TCTN3: variants seen among roughly 807,000 people sequenced by gnomAD.
TCTN3 encodes tectonic family member 3, also known as tectonic-3.
In TCTN3, 57 loss-of-function variants were observed where a neutral mutation model predicts 71.3. The ratio of observed to expected loss-of-function variants is 0.80; its 90% CI spans 0.65 to 1.00. TCTN3 has a LOEUF of 1.00. Among genes scored for constraint, TCTN3 ranks in the 50% least tolerant of loss-of-function variants. TCTN3 has a pLI of 0.00. For synonymous variants in TCTN3, 258 were observed against 267.8 expected (o/e 0.96, Z 0.36); for missense variants, 696 against 719.9 (o/e 0.97, Z 0.38).
intron 13 of TCTN3, among the ~76,000 whole-genome samples, chr10:95,673,872 AAAATTTTTC>A (rs1483284916): frequency 1.3e-5 from 2 of 152,190 alleles, no homozygotes; most frequent in Non-Finnish European, 2.9e-5. Context: ...CATACTTTTT[AAAATTTTTC>A]CCATTGAATT....
At chr10:95,677,787 C>G (rs2097938970) in intron 13 of TCTN3, among the ~76,000 whole-genome samples, 1 of 152,032 alleles carries the variant, frequency 6.6e-6, no homozygotes, top group South Asian at 2.1e-4. Context: ...GGGTAGAGTA[C>G]TCTTTCTAAA....
intron 13 of TCTN3, among the ~76,000 whole-genome samples, chr10:95,669,404 T>C (rs942355517): frequency 2.0e-5 from 3 of 152,176 alleles, no homozygotes; most frequent in Non-Finnish European, 4.4e-5. Flanking sequence ...CATGGATCCT[T>C]GACTCCTTCC....
rs1331522358 is a variant in TCTN3 at position 95,693,508 on chromosome 10, G to A, written c.257-32C>T. The A allele has an allele frequency of 1.9e-6, 3 of 1,551,980 alleles. No homozygotes were observed. The South Asian group carries it at 3.6e-5, about 18-fold the overall frequency. On this transcript the variant is annotated intron_variant, in intron 1 of 13. Coordinates refer to ENST00000371217, the MANE Select transcript of TCTN3 (RefSeq NM_015631.6). The stretch of plus-strand genomic sequence containing the variant: ...AAGTACGACACAGAGTGAGTGGGAT[G>A]AAGATCCCCAAACTCTCCCAGGTGC...
intron 3 of TCTN3, among the ~76,000 whole-genome samples, chr10:95,690,844 T>C (rs1029962432): frequency 6.6e-6 from 1 of 151,712 alleles, no homozygotes; most frequent in Admixed American, 6.6e-5. Flanking sequence ...GCTATGTGTG[T>C]ATATGTGAGG....
intron 3 of TCTN3, among the ~76,000 whole-genome samples, chr10:95,690,815 G>A (rs117417334): frequency 2.7e-3 from 415 of 152,332 alleles, no homozygotes; most frequent in South Asian, 0.014. Context: ...CTCCACAACT[G>A]TGTATACTGT....
chr10:95,675,449 A>C (rs7903235), intron 13 of TCTN3, among the ~76,000 whole-genome samples: 6,617 of 152,322 alleles, frequency 0.043, 461 homozygotes, highest in African/African-American at 0.14. Flanking sequence ...CTTTTAAAAA[A>C]AAGGTAATAA....
At chr10:95,675,852 C>T (rs1320618934) in intron 13 of TCTN3, among the ~76,000 whole-genome samples, 1 of 152,146 alleles carries the variant, frequency 6.6e-6, no homozygotes, top group East Asian at 1.9e-4. Context: ...AGTATGCTGC[C>T]TGTTTAATTA....
chr10:95,674,217 T>G (rs2097934418), intron 13 of TCTN3, among the ~76,000 whole-genome samples: 1 of 152,200 alleles, frequency 6.6e-6, no homozygotes, highest in Non-Finnish European at 1.5e-5. Context: ...CTCCTTTATC[T>G]CAGTAATGTT....
intron 13 of TCTN3, among the ~76,000 whole-genome samples, chr10:95,667,100 T>G (rs763295651): frequency 1.3e-5 from 2 of 152,148 alleles, no homozygotes; most frequent in Non-Finnish European, 2.9e-5. Context: ...AGGCAAACCT[T>G]AGGCCAATGT....
intron 13 of TCTN3, among the ~76,000 whole-genome samples, chr10:95,665,285 TTG>T (rs890669395): frequency 1.3e-5 from 2 of 151,758 alleles, no homozygotes; most frequent in African/African-American, 2.4e-5. Flanking sequence ...AATTTTTTTT[TTG>T]TGTGTGTGTG....
rs1448945733 is a variant in TCTN3 at position 95,679,614 on chromosome 10, C to T, written c.1590+858G>A. The stretch of plus-strand genomic sequence containing the variant: ...TTTTTTTTTTTTTTTTTTTTTGAGA[C>T]GGAGTCTCGCTCTGTCGCCCAGGCT... On this transcript the variant is annotated intron_variant, in intron 13 of 13. Coordinates refer to ENST00000371217, the MANE Select transcript of TCTN3 (RefSeq NM_015631.6). 2.0e-4 allele frequency among the ~76,000 whole-genome samples: 22 copies of T among 109,206 alleles called. No individual in the cohort carries two copies. The East Asian group carries it at 5.6e-3, about 28-fold the overall frequency. 71.6% of individuals were successfully genotyped at this position (109,206 alleles called of 152,430 possible).
rs139798593 is a variant in TCTN3, at chr10:95,672,160, T to TGTGTGTGTGTGTGTGTGTGTGTGTG, written c.1591-7861_1591-7860insCACACACACACACACACACACACAC. ...TATCATTAAAAATTAATTATTATTA[T>TGTGTGTGTGTGTGTGTGTGTGTGTG]TGTGTGTGTGTGTCTGGCTTCTTTC... On this transcript the variant is annotated intron_variant, in intron 13 of 13. Coordinates refer to ENST00000371217, the MANE Select transcript of TCTN3 (RefSeq NM_015631.6). Among the ~76,000 whole-genome samples, 1,061 of 139,666 alleles carry TGTGTGTGTGTGTGTGTGTGTGTGTG rather than the reference T, an allele frequency of 7.6e-3. 18 individuals are homozygous for TGTGTGTGTGTGTGTGTGTGTGTGTG. Among genetic ancestry groups the TGTGTGTGTGTGTGTGTGTGTGTGTG allele is most frequent in the African/African-American group, 0.025 (902 of 36,800 alleles). The allele number at this position is 139,666 out of a possible 152,430, so 91.6% of individuals were successfully genotyped here.
At chr10:95,692,802 A>G (rs1054146231) in intron 3 of TCTN3, 118 bp downstream of exon 3, 2 of 703,300 alleles carry the variant, frequency 2.8e-6, no homozygotes, top group African/African-American at 3.6e-5. Context: ...CTCATCAGCT[A>G]TCGTTAGTGT....
Position 95,687,111 on chromosome 10 carries a change from A to G in TCTN3, c.785T>C (p.Leu262Pro). Residue 262 changes from leucine (L) to proline (P), a missense_variant, in exon 6 of 14, where the codon CTG (leucine) becomes CCG (proline). Physicochemically the swap from Leu to Pro is moderately conservative, Grantham distance 98. Coordinates refer to ENST00000371217, the MANE Select transcript of TCTN3 (RefSeq NM_015631.6). ...STTCTRFFKN[L>P]ASSCTLDSAL... ...TGAATCCAAGGTACAGCTACTAGCC[A>G]GGTTCTTGAAAAAACGAGTGCAAGT... The G allele has an allele frequency of 6.2e-7, 1 of 1,614,234 alleles. No individual in the cohort carries two copies. Among genetic ancestry groups the G allele is most frequent in the Non-Finnish European group, 8.5e-7 (1 of 1,180,032 alleles).
chr10:95,693,108 C>A, intron 2 of TCTN3, 70 bp from the exon 3 acceptor site: 11 of 1,303,870 alleles, frequency 8.4e-6, no homozygotes, highest in Non-Finnish European at 1.2e-5. Flanking sequence ...AGTGTCCCAG[C>A]AATATCGGCC....
In TCTN3 at chr10:95,687,329, G is replaced by A; in HGVS notation, c.654C>T (p.Phe218=). The A allele has an allele frequency of 1.9e-6, 3 of 1,613,930 alleles. No homozygotes were observed. The highest frequency in any genetic ancestry group is 1.7e-6 in the Non-Finnish European group (2 of 1,179,948). ...GCAAGCTTATTACAGACCACTTGGG[G>A]AAGTAAGTAAGAATGGGGTCCCCAG... ...YRAGDPILTY[F]PKWSVISLLR... The change falls in exon 5 of 14, where the codon TTC becomes TTT. Residue 218 remains phenylalanine, a synonymous_variant. Coordinates refer to ENST00000371217, the MANE Select transcript of TCTN3 (RefSeq NM_015631.6).
In TCTN3 at chr10:95,664,160, G is replaced by A; in HGVS notation, c.1731C>T (p.Phe577=). ...PFDFFPFKVA[F]SRGVFSQKCS... is the part of the protein sequence containing the mutation. ...ATTTTTGAGAGAATACTCCTCTGCT[G>A]AATGCCACTTTGAAGGGAAAGAAGT... Residue 577 remains phenylalanine, a synonymous_variant, in exon 14 of 14, where the codon TTC becomes TTT. Coordinates refer to ENST00000371217, the MANE Select transcript of TCTN3 (RefSeq NM_015631.6). 6.2e-7 allele frequency: 1 copy of A among 1,614,198 alleles called. No homozygotes were observed. The highest frequency in any genetic ancestry group is 8.5e-7 in the Non-Finnish European group (1 of 1,180,036).
Position 95,693,674 on chromosome 10 carries a change from G to A in TCTN3, c.226C>T (p.Pro76Ser), listed in dbSNP as rs2097955869. 16 of 1,551,516 alleles carry A rather than the reference G, an allele frequency of 1.0e-5. No homozygotes were observed. The highest frequency in any genetic ancestry group is 1.3e-5 in the Non-Finnish European group (15 of 1,146,996). ...AAGAGGTCCACAGTCCTATTCCCAG[G>A]GGCCGAGGGAGTCACGAGAGTAGGG... The part of the protein sequence containing the change: ...VVPTLVTPSA[P>S]GNRTVDLFPV... Residue 76 changes from proline (P) to serine (S), a missense_variant, in exon 1 of 14, where the codon CCT becomes TCT. Coordinates refer to ENST00000371217, the MANE Select transcript of TCTN3 (RefSeq NM_015631.6).
chr10:95,683,719 C>A lies in TCTN3; in HGVS notation c.1096-90G>T, dbSNP rs137918402. Reference sequence around the variant, plus strand: ...GGCTTCACCGTACCCTTCCTTAAGGCAAGGAAATGCAATAAGTGAGCTACA... The same window carrying A: ...GGCTTCACCGTACCCTTCCTTAAGGAAAGGAAATGCAATAAGTGAGCTACA... On this transcript the variant is annotated intron_variant, in intron 9 of 13. Transcript: ENST00000371217. 185 of 1,038,704 alleles carry A rather than the reference C, an allele frequency of 1.8e-4. 1 individual carries two copies. In the East Asian group the frequency reaches 4.5e-3, roughly 26 times the overall value. The allele number at this position is 1,038,704 out of a possible 1,614,324, so 64.3% of individuals were successfully genotyped here. A position where few individuals can be genotyped will look rare whatever the true frequency, so the allele number is the denominator to read the frequency against.
Sources: gnomAD v4.1 joint callset for allele counts (sites outside exome capture counted in the v4.1 genomes callset) on GRCh38, gnomAD v4.1.1 for gene constraint, MANE v1.5 for transcripts, NCBI Gene and HGNC (gene_info 2026-07-23, HGNC 2026-07-21) for gene names.